The following DCT variants were observed in gnomAD, a reference collection of about 807,000 sequenced individuals.
The protein encoded by DCT is dopachrome tautomerase, also known as L-dopachrome tautomerase.
Under a neutral mutation model 53.0 loss-of-function variants are expected in DCT, and 47 were observed. The ratio of observed to expected loss-of-function variants is 0.89; its 90% confidence interval spans 0.70 to 1.13. The LOEUF is 1.13. DCT is among the 50% of genes most tolerant of loss of function. DCT has a pLI of 0.00. For missense variants in DCT, 669 were observed against 637.4 expected (o/e 1.05, Z -0.53); for synonymous variants, 244 against 237.0 (o/e 1.03, Z -0.27).
chr13:94,468,922 T>C lies in DCT; in HGVS notation c.419A>G (p.Gln140Arg). 1 of 1,614,152 alleles carries C rather than the reference T, an allele frequency of 6.2e-7. No homozygotes were observed. Among genetic ancestry groups the C allele is most frequent in the Non-Finnish European group, 8.5e-7 (1 of 1,180,026 alleles). Reference sequence around the variant, plus strand: ...CGCGAGATCTAAGGCGCCCAAGAACTGCTCTCTTTCCTGAGGACTCAAGGA... The same window carrying C: ...CGCGAGATCTAAGGCGCCCAAGAACCGCTCTCTTTCCTGAGGACTCAAGGA... ...IHSLSPQERE[Q>R]FLGALDLAKK... Residue 140 changes from glutamine to arginine, a missense_variant, in exon 2 of 8, where the codon CAG becomes CGG. Physicochemically the swap from Gln to Arg is conservative, Grantham distance 43. Transcript: ENST00000377028.
the DCT span, among the ~76,000 whole-genome samples, chr13:94,544,417 T>C: frequency 6.6e-6 from 1 of 152,176 alleles, no homozygotes; most frequent in Non-Finnish European, 1.5e-5. Flanking sequence ...AGGTAGTGAA[T>C]AGCAAAATAT....
chr13:94,506,505 AAT>A, the DCT span, among the ~76,000 whole-genome samples: 6 of 152,254 alleles, frequency 3.9e-5, no homozygotes, highest in African/African-American at 1.4e-4. Flanking sequence ...CATAGAATAA[AAT>A]AAATAATTAT....
At chr13:94,538,215 C>G in the DCT span, among the ~76,000 whole-genome samples, 1 of 152,174 alleles carries the variant, frequency 6.6e-6, no homozygotes, top group South Asian at 2.1e-4. Context: ...GCTTACTGAG[C>G]CTGCAGGACC....
the DCT span, among the ~76,000 whole-genome samples, chr13:94,503,021 T>A: frequency 8.5e-5 from 13 of 152,224 alleles, no homozygotes; most frequent in Admixed American, 3.3e-4. Context: ...GCCAAAATGA[T>A]GTGCTCGAGA....
chr13:94,516,328 C>T, the DCT span, among the ~76,000 whole-genome samples: 1 of 152,156 alleles, frequency 6.6e-6, no homozygotes, highest in Non-Finnish European at 1.5e-5. Flanking sequence ...CTATTTTCTA[C>T]ATTAAATTTC....
chr13:94,508,507 A>G, the DCT span, among the ~76,000 whole-genome samples: 57,706 of 152,036 alleles, frequency 0.38, 11,428 homozygotes, highest in East Asian at 0.61. Flanking sequence ...GGAAAGAAAG[A>G]AAGAAGGAAA....
the DCT span, among the ~76,000 whole-genome samples, chr13:94,490,690 G>C: frequency 1.5e-5 from 2 of 134,512 alleles, no homozygotes; most frequent in Non-Finnish European, 3.4e-5. Context: ...TTTCATAATA[G>C]AAAAGATATA....
chr13:94,465,400 T>C (rs1884102406), intron 4 of DCT: 1 of 324,408 alleles, frequency 3.1e-6, no homozygotes. Flanking sequence ...TAACCTGATC[T>C]CAAAATGATG....
the DCT span, among the ~76,000 whole-genome samples, chr13:94,495,993 T>A: frequency 6.6e-6 from 1 of 152,168 alleles, no homozygotes; most frequent in African/African-American, 2.4e-5. Flanking sequence ...GCGCCTCTGA[T>A]CGTTGCCAAT....
the DCT span, among the ~76,000 whole-genome samples, chr13:94,531,162 CA>C: frequency 6.6e-6 from 1 of 152,182 alleles, no homozygotes; most frequent in Non-Finnish European, 1.5e-5. Context: ...AATGGAAGAA[CA>C]TTCCATGCTC....
At chr13:94,515,055 C>A in the DCT span, among the ~76,000 whole-genome samples, 2 of 152,176 alleles carry the variant, frequency 1.3e-5, no homozygotes, top group South Asian at 4.1e-4. Context: ...GCAGAAAAAT[C>A]TCTAGCCCTC....
chr13:94,522,483 A>G, the DCT span, among the ~76,000 whole-genome samples: 3 of 151,878 alleles, frequency 2.0e-5, no homozygotes, highest in Non-Finnish European at 4.4e-5. Flanking sequence ...GTGAGTTAAT[A>G]CTTAATAAAT....
chr13:94,440,806 G>A (rs911714222), intron 7 of DCT, among the ~76,000 whole-genome samples: 2 of 146,994 alleles, frequency 1.4e-5, no homozygotes, highest in Admixed American at 1.4e-4. Flanking sequence ...TCAGCCTCCC[G>A]AGTAGCTGGG....
chr13:94,471,708 G>A (rs1179845243), intron 1 of DCT, among the ~76,000 whole-genome samples: 3 of 152,204 alleles, frequency 2.0e-5, no homozygotes, highest in Non-Finnish European at 4.4e-5. Flanking sequence ...AAAATGCTGT[G>A]TCTAAAGAAG....
chr13:94,543,825 A>T, the DCT span, among the ~76,000 whole-genome samples: 2 of 152,156 alleles, frequency 1.3e-5, no homozygotes, highest in Non-Finnish European at 2.9e-5. Context: ...GCCTGAGGTC[A>T]GGAGTTTGAG....
Position 94,438,658 on chromosome 13 carries a change from A to T in DCT, c.*1240T>A, listed in dbSNP as rs1020321974. 6 of 455,900 alleles carry T rather than the reference A, an allele frequency of 1.3e-5. No homozygotes were observed. In the Admixed American group the frequency reaches 1.4e-4, roughly 11 times the overall value. 28.2% of individuals were successfully genotyped at this position (455,900 alleles called of 1,614,324 possible). A position where few individuals can be genotyped will look rare whatever the true frequency, so the allele number is the denominator to read the frequency against. On this transcript the variant is annotated 3_prime_UTR_variant, in exon 8 of 8. Transcript: ENST00000377028. The stretch of plus-strand genomic sequence containing the variant: ...AATTTGCCTGGAAATCTCAAGAGCC[A>T]TTAACTTCTCTGAAGTGGGGTCCAT...
At chr13:94,452,146 C>T (rs1034508101) in intron 6 of DCT, among the ~76,000 whole-genome samples, 1 of 152,054 alleles carries the variant, frequency 6.6e-6, no homozygotes, top group East Asian at 1.9e-4. Flanking sequence ...GATTCTCCTG[C>T]CTCAGCCTCC....
chr13:94,527,450 T>C, the DCT span, among the ~76,000 whole-genome samples: 2 of 152,172 alleles, frequency 1.3e-5, no homozygotes, highest in Admixed American at 6.5e-5. Flanking sequence ...CAGGCAGCAA[T>C]ATTTGCTGTT....
chr13:94,462,385 A>G (rs947779975), intron 4 of DCT, among the ~76,000 whole-genome samples, 196 bp from the exon 5 acceptor site: 2 of 151,828 alleles, frequency 1.3e-5, no homozygotes, highest in Non-Finnish European at 2.9e-5. Context: ...CTGTTGTCCC[A>G]GCTACTCAGG....
Sources: gnomAD v4.1 joint callset for allele counts (sites outside exome capture counted in the v4.1 genomes callset) on GRCh38, gnomAD v4.1.1 for gene constraint, MANE v1.5 for transcripts, NCBI Gene and HGNC (gene_info 2026-07-23, HGNC 2026-07-21) for gene names.